PAK2: variants seen among roughly 807,000 people sequenced by gnomAD.
PAK2 encodes serine/threonine-protein kinase PAK 2.
PAK2 carries 21 observed loss-of-function variants against 65.9 expected under a neutral mutation model. The ratio of observed to expected loss-of-function variants is 0.32; its 90% CI spans 0.23 to 0.46. The LOEUF (loss-of-function observed/expected upper bound fraction) is 0.46. PAK2 is among the 20% of genes least tolerant of loss of function. The pLI is 1.00. For synonymous variants in PAK2, 204 were observed against 219.7 expected, an observed-to-expected ratio of 0.93 and a Z score of 0.63; for missense variants, 324 against 642.6, an observed-to-expected ratio of 0.50 and a Z score of 5.36.
chr3:196,826,233 G>A (rs535636407), intron 13 of PAK2, among the ~76,000 whole-genome samples: 9 of 151,642 alleles, frequency 5.9e-5, no homozygotes, highest in Admixed American at 2.6e-4. Flanking sequence ...GTGCAGTGGC[G>A]CAATCTCGGC....
At chr3:196,808,092 A>C in intron 7 of PAK2, 178 bp downstream of exon 7, 3 of 514,610 alleles carry the variant, frequency 5.8e-6, no homozygotes, top group Non-Finnish European at 6.7e-6. Context: ...TCACCCCTAA[A>C]TCCCAGCACT....
chr3:196,751,517 C>T (rs770885201), intron 1 of PAK2, among the ~76,000 whole-genome samples: 6 of 149,982 alleles, frequency 4.0e-5, no homozygotes, highest in East Asian at 2.0e-4. Flanking sequence ...CGTGGTGGCA[C>T]GCACCTGTAA....
intron 4 of PAK2, 122 bp from the exon 5 acceptor site, chr3:196,805,230 G>A: frequency 1.7e-6 from 1 of 600,418 alleles, no homozygotes; most frequent in East Asian, 3.2e-5. Context: ...TTTTTCTCAA[G>A]AGTTAATTCA....
intron 2 of PAK2, among the ~76,000 whole-genome samples, chr3:196,792,875 T>G (rs1205643546): frequency 6.6e-6 from 1 of 151,900 alleles, no homozygotes; most frequent in Non-Finnish European, 1.5e-5. Context: ...TGAAAGAGGC[T>G]TCAGTACACA....
chr3:196,790,360 G>A (rs892213940), intron 2 of PAK2, among the ~76,000 whole-genome samples: 3 of 152,096 alleles, frequency 2.0e-5, no homozygotes, highest in Non-Finnish European at 2.9e-5. Context: ...CTGCTGTTTT[G>A]TTGTCTAATG....
At position 196,807,691 on chromosome 3, in the gene PAK2, G is replaced by C. The variant is rs1715630174; in HGVS notation, c.577-91G>C. The C allele has an allele frequency of 5.6e-6, 4 of 719,552 alleles. No homozygotes were observed. The East Asian group carries it at 7.6e-5, about 14-fold the overall frequency. The allele number at this position is 719,552 out of a possible 1,614,324, so 44.6% of individuals were successfully genotyped here. ...ACAATGGAAAAGACTACTTAGTTCA[G>C]GTTAAAAATCAAAGAACTGAATTAG... On this transcript the variant is annotated intron_variant, in intron 6 of 14. Transcript: ENST00000327134.
At chr3:196,802,823 G>A (rs966695280) in intron 3 of PAK2, among the ~76,000 whole-genome samples, 194 bp from the exon 4 acceptor site, 1 of 152,068 alleles carries the variant, frequency 6.6e-6, no homozygotes, top group Non-Finnish European at 1.5e-5. Context: ...TCCAGCCTGG[G>A]TGACAGAGTG....
chr3:196,761,209 G>A (rs1333208892), intron 1 of PAK2, among the ~76,000 whole-genome samples: 1 of 131,386 alleles, frequency 7.6e-6, no homozygotes, highest in Non-Finnish European at 1.6e-5. Context: ...CACAGAGGGG[G>A]ATTTGGCAGG....
chr3:196,762,806 AAAAG>A (rs1056390041), intron 1 of PAK2, among the ~76,000 whole-genome samples: 18 of 151,710 alleles, frequency 1.2e-4, no homozygotes, highest in East Asian at 5.8e-4. Context: ...AAAAAAAAAA[AAAAG>A]AAGAAAAGTT....
chr3:196,806,928 G>A (rs1715604071), intron 6 of PAK2, among the ~76,000 whole-genome samples: 1 of 152,012 alleles, frequency 6.6e-6, no homozygotes, highest in Non-Finnish European at 1.5e-5. Context: ...TTTTTTCTTT[G>A]TATAGTACAC....
intron 2 of PAK2, among the ~76,000 whole-genome samples, chr3:196,796,926 A>T (rs1317311118): frequency 1.3e-5 from 2 of 152,252 alleles, no homozygotes; most frequent in Non-Finnish European, 2.9e-5. Flanking sequence ...TAACAGCTTC[A>T]AAATTCACAA....
intron 1 of PAK2, among the ~76,000 whole-genome samples, chr3:196,765,703 A>G (rs868350239): frequency 1.3e-5 from 2 of 152,160 alleles, no homozygotes; most frequent in Non-Finnish European, 1.5e-5. Flanking sequence ...GTATTACTCC[A>G]TTATATTGGT....
chr3:196,781,486 C>T (rs560505332), intron 1 of PAK2, among the ~76,000 whole-genome samples: 11 of 152,330 alleles, frequency 7.2e-5, no homozygotes, highest in African/African-American at 2.6e-4. Flanking sequence ...AGGGCATTTA[C>T]AGGTGTCACA....
In PAK2 at chr3:196,807,959, C is replaced by G. The variant is rs762594555; in HGVS notation, c.709+45C>G. The G allele has an allele frequency of 2.1e-5, 32 of 1,560,890 alleles. 1 individual carries two copies. In the South Asian group the frequency reaches 3.7e-4, roughly 18 times the overall value. ...CATCATTGTTAAATTGTTCACGGCT[C>G]TTAAAACATTTGGCCCAGATGGATT... On this transcript the variant is annotated intron_variant, in intron 7 of 14. Coordinates refer to ENST00000327134, the MANE Select transcript of PAK2 (RefSeq NM_002577.4).
chr3:196,823,552 C>T (rs1222125791), intron 13 of PAK2, among the ~76,000 whole-genome samples: 1 of 151,542 alleles, frequency 6.6e-6, no homozygotes, highest in Non-Finnish European at 1.5e-5. Flanking sequence ...CGCAAACAAA[C>T]AAACAAACAA....
intron 11 of PAK2, among the ~76,000 whole-genome samples, chr3:196,817,595 C>T (rs1055670590): frequency 4.0e-5 from 6 of 151,600 alleles, no homozygotes; most frequent in African/African-American, 1.5e-4. Context: ...TCAGGTGATC[C>T]ACCCGCCTCG....
chr3:196,778,481 G>A (rs1714606117), intron 1 of PAK2, among the ~76,000 whole-genome samples: 1 of 152,166 alleles, frequency 6.6e-6, no homozygotes, highest in South Asian at 2.1e-4. Context: ...TTTTAATAGA[G>A]TTTTTATTAG....
chr3:196,820,900 C>T lies in PAK2; in HGVS notation c.1350+333C>T, dbSNP rs917843364. 2.0e-5 allele frequency among the ~76,000 whole-genome samples: 3 copies of T among 152,082 alleles called. No individual in the cohort carries two copies. The highest frequency in any genetic ancestry group is 4.4e-5 in the Non-Finnish European group (3 of 68,016). ...TCTTGCCTATTCTAGAATGCAGTGG[C>T]GCAATCTCAGCTCACTGCAACCGCC... On this transcript the variant is annotated intron_variant, in intron 13 of 14. Transcript: ENST00000327134. This position sits in a 1 kb window ranked among gnomAD's most constrained non-coding sequence, Gnocchi z 4.6.
intron 11 of PAK2, among the ~76,000 whole-genome samples, chr3:196,814,817 A>G (rs180755709): frequency 9.8e-5 from 15 of 152,318 alleles, no homozygotes; most frequent in East Asian, 3.9e-4. Flanking sequence ...AAATTCTGGT[A>G]GAGTGATGAT....
Sources: allele counts gnomAD v4.1 joint callset (sites outside exome capture counted in the v4.1 genomes callset), GRCh38; gene constraint gnomAD v4.1.1; non-coding constraint Gnocchi (gnomAD v3.1); transcripts MANE v1.5; gene names NCBI Gene and HGNC (gene_info 2026-07-23, HGNC 2026-07-21).